Variants in FBXW11 observed in about 807,000 individuals in gnomAD.
FBXW11 encodes the protein F-box/WD repeat-containing protein 11.
FBXW11 carries 19 observed loss-of-function variants against 77.6 expected under a neutral mutation model. The observed-to-expected ratio is 0.24, with a 90% CI of 0.17 to 0.36. FBXW11 has a LOEUF of 0.36. Among genes scored for constraint, FBXW11 ranks in the 10% least tolerant of loss-of-function variants. FBXW11 has a pLI of 1.00. For synonymous variants in FBXW11, 235 were observed against 249.4 expected (o/e 0.94, Z 0.54); for missense variants, 334 against 704.2 (o/e 0.47, Z 5.95).
At chr5:171,887,160 G>C (rs1010975227) in intron 7 of FBXW11, among the ~76,000 whole-genome samples, 1 of 152,096 alleles carries the variant, frequency 6.6e-6, no homozygotes, top group African/African-American at 2.4e-5. Flanking sequence ...TTCTAAGCTG[G>C]AGACACAGCA....
At chr5:171,958,629 T>C (rs1380406152) in intron 1 of FBXW11, among the ~76,000 whole-genome samples, 1 of 152,110 alleles carries the variant, frequency 6.6e-6, no homozygotes, top group Non-Finnish European at 1.5e-5. Context: ...TTTAAAGGAA[T>C]TAAGAAAAAA....
At chr5:171,900,730 C>G (rs1426858452) in intron 4 of FBXW11, among the ~76,000 whole-genome samples, 4 of 152,218 alleles carry the variant, frequency 2.6e-5, no homozygotes, top group African/African-American at 7.2e-5. Flanking sequence ...TTTCATCTCC[C>G]TTTCGTGAGT....
At chr5:171,916,216 T>G (rs1001313926) in intron 2 of FBXW11, among the ~76,000 whole-genome samples, 6 of 142,194 alleles carry the variant, frequency 4.2e-5, no homozygotes, top group African/African-American at 7.8e-5. Context: ...TGTGCACATG[T>G]ACCCTAGAAC....
At chr5:171,975,002 C>G (rs1297117634) in intron 1 of FBXW11, among the ~76,000 whole-genome samples, 1 of 152,182 alleles carries the variant, frequency 6.6e-6, no homozygotes, top group East Asian at 1.9e-4. Context: ...CTGTGTTGGT[C>G]AGGCTAGTCT....
chr5:171,965,288 G>A (rs964727829), intron 1 of FBXW11, among the ~76,000 whole-genome samples: 7 of 152,188 alleles, frequency 4.6e-5, no homozygotes, highest in African/African-American at 1.7e-4. Flanking sequence ...CACTGTGGGA[G>A]GCCAAGGCAG....
Position 171,905,589 on chromosome 5 carries a change from A to ACCC in FBXW11, c.436+4980_436+4982dup, listed in dbSNP as rs748894864. Among the ~76,000 whole-genome samples the ACCC allele has an allele frequency of 1.5e-4, 17 of 111,212 alleles. 1 individual carries two copies. Among genetic ancestry groups the ACCC allele is most frequent in the African/African-American group, 4.6e-4 (15 of 32,782 alleles). The allele number at this position is 111,212 out of a possible 152,430, so 73.0% of individuals were successfully genotyped here. On this transcript the variant is annotated intron_variant, in intron 4 of 13. Coordinates refer to ENST00000517395, the MANE Select transcript of FBXW11 (RefSeq NM_001378974.1). The stretch of plus-strand genomic sequence containing the variant: ...ACGCATCTCCTCCAGCAAAAAGCTA[A>ACCC]CCCCCCCCCCTTTATTTTCTTGGTA...
intron 7 of FBXW11, among the ~76,000 whole-genome samples, chr5:171,890,306 T>C (rs1759253234): frequency 6.6e-6 from 1 of 151,984 alleles, no homozygotes; most frequent in South Asian, 2.1e-4. Context: ...GCGCATTACT[T>C]GAGGTCAGGA....
intron 2 of FBXW11, among the ~76,000 whole-genome samples, chr5:171,950,001 A>G (rs1291800269): frequency 4.6e-5 from 7 of 152,180 alleles, no homozygotes; most frequent in African/African-American, 1.7e-4. Context: ...ATGATGCTTA[A>G]CTCCACATGG....
chr5:171,978,781 C>T (rs1764985214), intron 1 of FBXW11, among the ~76,000 whole-genome samples: 1 of 152,200 alleles, frequency 6.6e-6, no homozygotes, highest in African/African-American at 2.4e-5. Flanking sequence ...CCGCTACACT[C>T]CCCCATGCAC....
chr5:171,888,754 A>G (rs1759089909), intron 7 of FBXW11, among the ~76,000 whole-genome samples: 1 of 152,236 alleles, frequency 6.6e-6, no homozygotes, highest in Admixed American at 6.5e-5. Context: ...AGATGCTGAC[A>G]TGGTTAAAGA....
At chr5:171,918,427 C>T (rs1264247790) in intron 2 of FBXW11, among the ~76,000 whole-genome samples, 2 of 151,944 alleles carry the variant, frequency 1.3e-5, no homozygotes, top group East Asian at 1.9e-4. Flanking sequence ...AATGAGCTTC[C>T]CAAGAGAAAA....
At chr5:171,985,050 C>A (rs1765360997) in intron 1 of FBXW11, among the ~76,000 whole-genome samples, 1 of 152,182 alleles carries the variant, frequency 6.6e-6, no homozygotes, top group African/African-American at 2.4e-5. Context: ...AATACAAACA[C>A]ACATATACGC....
chr5:171,957,665 C>T lies in FBXW11; in HGVS notation c.79G>A (p.Ala27Thr), dbSNP rs541356830. The change falls in exon 2 of 14, where the codon GCC (alanine) becomes ACC (threonine). Residue 27 changes from alanine (A) to threonine (T), a missense_variant. Coordinates refer to ENST00000517395, the MANE Select transcript of FBXW11 (RefSeq NM_001378974.1). ...GCGCACATGCTCTCTACCAGGTTGG[C>T]GCAGCCTAGCCACAAAGACCTTGGC... ...SVPRSLWLGCANLVESMCALS... is the reference protein window; with the variant it reads ...SVPRSLWLGCTNLVESMCALS... 8.7e-6 allele frequency: 14 copies of T among 1,614,078 alleles called. No homozygotes were observed. The highest frequency in any genetic ancestry group is 2.7e-5 in the African/African-American group (2 of 75,054).
intron 1 of FBXW11, among the ~76,000 whole-genome samples, chr5:171,999,335 T>G (rs79023574): frequency 0.067 from 10,175 of 151,948 alleles, 405 homozygotes; most frequent in African/African-American, 0.097. Context: ...CTGGACCTCT[T>G]GAATCCTCAG....
chr5:171,879,834 A>C (rs1323316306), intron 7 of FBXW11, among the ~76,000 whole-genome samples: 1 of 152,138 alleles, frequency 6.6e-6, no homozygotes, highest in East Asian at 1.9e-4. Context: ...GTTGAGATTC[A>C]AGAGTTCTTT....
At chr5:171,898,153 T>C (rs934604375) in intron 6 of FBXW11, among the ~76,000 whole-genome samples, 1 of 152,086 alleles carries the variant, frequency 6.6e-6, no homozygotes, top group Non-Finnish European at 1.5e-5. Context: ...GGTGGTGGGG[T>C]CTGAAAAAGC....
At chr5:171,972,005 G>T (rs988908979) in intron 1 of FBXW11, among the ~76,000 whole-genome samples, 1 of 151,664 alleles carries the variant, frequency 6.6e-6, no homozygotes, top group African/African-American at 2.4e-5. Flanking sequence ...GCTGACACAG[G>T]AGAATTGCTT....
intron 1 of FBXW11, among the ~76,000 whole-genome samples, chr5:171,961,580 T>C (rs537679460): frequency 1.3e-5 from 2 of 152,254 alleles, no homozygotes; most frequent in Admixed American, 6.5e-5. Flanking sequence ...AAATAATGGA[T>C]AAAAATAAAA....
intron 6 of FBXW11, among the ~76,000 whole-genome samples, chr5:171,895,304 C>T (rs1239616496): frequency 6.6e-6 from 1 of 152,222 alleles, no homozygotes; most frequent in South Asian, 2.1e-4. Context: ...TTTAAATTGG[C>T]AATAGAGTGA....
Sources: allele counts gnomAD v4.1 joint callset (sites outside exome capture counted in the v4.1 genomes callset), GRCh38; gene constraint gnomAD v4.1.1; transcripts MANE v1.5; gene names NCBI Gene and HGNC (gene_info 2026-07-23, HGNC 2026-07-21).